Variants in TATDN1 observed in about 807,000 individuals in gnomAD.
TATDN1 encodes the protein deoxyribonuclease TATDN1.
TATDN1 carries 40 observed loss-of-function variants against 46.4 expected under a neutral mutation model. The observed-to-expected ratio is 0.86, with a 90% CI of 0.67 to 1.12. The LOEUF is 1.12. Ranked by LOEUF, TATDN1 falls within the 50% of genes most tolerant of loss-of-function variation. The pLI, the probability that TATDN1 is intolerant of heterozygous loss-of-function variation, is 0.00. For synonymous variants in TATDN1, 95 were observed against 105.6 expected, an observed-to-expected ratio of 0.90 and a Z score of 0.62; for missense variants, 326 against 348.4, an observed-to-expected ratio of 0.94 and a Z score of 0.51.
intron 1 of TATDN1, among the ~76,000 whole-genome samples, chr8:124,533,243 C>A (rs2131572650): frequency 6.7e-6 from 1 of 148,884 alleles, no homozygotes. Flanking sequence ...CAGAGTGAGA[C>A]TCTGTCTCAA....
chr8:124,525,894 G>T (rs1279204586), intron 1 of TATDN1, among the ~76,000 whole-genome samples: 1 of 152,094 alleles, frequency 6.6e-6, no homozygotes, highest in Non-Finnish European at 1.5e-5. Context: ...TCTATGTTAA[G>T]GGATAGTGAG....
chr8:124,539,065 T>G lies in TATDN1; in HGVS notation c.-19A>C, dbSNP rs201421182. On this transcript the variant is annotated 5_prime_UTR_variant, in exon 1 of 12. Transcript: ENST00000276692. ...GACTCATGACTGCGCATGGAGGACC[T>G]CCCCAGCGGAAGCGGAAGTGGCCGC... 1.9e-6 allele frequency: 3 copies of G among 1,612,142 alleles called. No individual in the cohort carries two copies. The highest frequency in any genetic ancestry group is 2.2e-5 in the East Asian group (1 of 44,808).
chr8:124,533,315 G>C (rs1821135128), intron 1 of TATDN1, among the ~76,000 whole-genome samples: 1 of 152,064 alleles, frequency 6.6e-6, no homozygotes, highest in Admixed American at 6.6e-5. Context: ...GGTTAGGTTA[G>C]AAGAGGAGAA....
chr8:124,493,929 T>C lies in TATDN1; in HGVS notation c.695A>G (p.His232Arg), dbSNP rs745486088. ...AGTTCTTATATATTTTGATCCAGCA[T>C]GTGTACTTTTGACTCCACACCAAGG... The part of the protein sequence containing the change: ...DAPWCGVKST[H>R]AGSKYIRTAF... The change falls in exon 11 of 12, where the codon CAT (histidine) becomes CGT (arginine). Residue 232 changes from histidine to arginine, a missense_variant. By Grantham distance (29) the His-to-Arg change is conservative (BLOSUM62 0). Transcript: ENST00000276692. 1 of 1,612,598 alleles carries C rather than the reference T, an allele frequency of 6.2e-7. No individual in the cohort carries two copies. Among genetic ancestry groups the C allele is most frequent in the Non-Finnish European group, 8.5e-7 (1 of 1,179,762 alleles).
intron 1 of TATDN1, 91 bp from the exon 2 acceptor site, chr8:124,523,093 C>A: frequency 9.2e-7 from 1 of 1,083,362 alleles, no homozygotes; most frequent in South Asian, 1.3e-5. Context: ...ACTTTTTGTT[C>A]ACACACTCAT....
chr8:124,517,105 T>G (rs1819539180), intron 4 of TATDN1, among the ~76,000 whole-genome samples: 1 of 152,226 alleles, frequency 6.6e-6, no homozygotes, highest in Non-Finnish European at 1.5e-5. Flanking sequence ...AAAAACTCCC[T>G]GGAAGATAGT....
chr8:124,491,955 TTGA>T (rs1009763789), intron 11 of TATDN1, among the ~76,000 whole-genome samples: 33 of 152,180 alleles, frequency 2.2e-4, no homozygotes, highest in African/African-American at 7.9e-4. Flanking sequence ...AGAACAAGTA[TTGA>T]TGAAGCCTTC....
intron 9 of TATDN1, among the ~76,000 whole-genome samples, chr8:124,498,385 C>T (rs971775200): frequency 3.3e-5 from 5 of 152,080 alleles, no homozygotes; most frequent in Admixed American, 2.6e-4. Flanking sequence ...CTAGTCCTCA[C>T]CATACAGTTT....
At chr8:124,495,378 G>C in intron 10 of TATDN1, 94 bp downstream of exon 10, 1 of 881,568 alleles carries the variant, frequency 1.1e-6, no homozygotes, top group East Asian at 2.6e-5. Flanking sequence ...TAAAATACTT[G>C]TTCACTTAAA....
In TATDN1 at chr8:124,508,467, TACTTACC is replaced by T; in HGVS notation, c.516_516+6del. 1 of 1,611,608 alleles carries T rather than the reference TACTTACC, an allele frequency of 6.2e-7. No homozygotes were observed. The highest frequency in any genetic ancestry group is 8.5e-7 in the Non-Finnish European group (1 of 1,178,250). On this transcript the variant is annotated splice_donor_variant and splice_donor_5th_base_variant and coding_sequence_variant and intron_variant, in exon 8 of 12. Transcript: ENST00000276692. LOFTEE classifies it high-confidence loss of function. ...ACCTGTATTAAAAATGACTATTTTA[TACTTACC>T]ACTCCCCCTACACACCGATCTCTAT... is the stretch of plus-strand genomic sequence containing the variant.
At chr8:124,510,214 A>G (rs545822040) in intron 6 of TATDN1, among the ~76,000 whole-genome samples, 1 of 152,330 alleles carries the variant, frequency 6.6e-6, no homozygotes, top group African/African-American at 2.4e-5. Context: ...TGTAGGAAAT[A>G]TTAACGACAA....
At chr8:124,509,102 C>T (rs1014207189) in intron 6 of TATDN1, among the ~76,000 whole-genome samples, 1 of 152,148 alleles carries the variant, frequency 6.6e-6, no homozygotes, top group African/African-American at 2.4e-5. Context: ...ACAAGGTTTC[C>T]CTCAAAAATG....
intron 1 of TATDN1, among the ~76,000 whole-genome samples, chr8:124,532,338 C>T (rs991762303): frequency 3.3e-5 from 5 of 152,188 alleles, no homozygotes; most frequent in Non-Finnish European, 4.4e-5. Flanking sequence ...GGCTGGAGTG[C>T]AGTGGTGCAA....
At chr8:124,490,636 TACATCTTCAG>T (rs1816904548) in intron 11 of TATDN1, among the ~76,000 whole-genome samples, 1 of 152,252 alleles carries the variant, frequency 6.6e-6, no homozygotes. Flanking sequence ...GCTATTTCCA[TACATCTTCAG>T]TGGTCAAAGC....
In TATDN1 at chr8:124,493,973, G is replaced by GA. The variant is rs1817241942; in HGVS notation, c.665-15dup. The GA allele has an allele frequency of 6.3e-7, 1 of 1,598,024 alleles. No homozygotes were observed. Among genetic ancestry groups the GA allele is most frequent in the South Asian group, 1.1e-5 (1 of 87,536 alleles). On this transcript the variant is annotated splice_polypyrimidine_tract_variant and intron_variant, in intron 10 of 11. Coordinates refer to ENST00000276692, the MANE Select transcript of TATDN1 (RefSeq NM_032026.4). ...ACCAAGGTGCATCTAGTTAAGCAAA[G>GA]AAAGTGTCTCGTAAGGGGTTTACAT...
chr8:124,532,604 T>C (rs1416181679), intron 1 of TATDN1, among the ~76,000 whole-genome samples: 2 of 152,130 alleles, frequency 1.3e-5, no homozygotes, highest in Non-Finnish European at 2.9e-5. Flanking sequence ...TCTTAATAGG[T>C]TGTCCAGAGG....
chr8:124,517,050 C>T (rs1819535042), intron 4 of TATDN1, among the ~76,000 whole-genome samples: 1 of 152,130 alleles, frequency 6.6e-6, no homozygotes, highest in South Asian at 2.1e-4. Context: ...AAAAGCATAG[C>T]TGTTTGGGGA....
chr8:124,521,611 T>G (rs1182417729), intron 3 of TATDN1: 1 of 152,328 alleles, frequency 6.6e-6, no homozygotes, highest in African/African-American at 2.4e-5. Context: ...AGTATGGAAT[T>G]TAACCTTATT....
intron 9 of TATDN1, chr8:124,503,744 ACTGAGT>A: frequency 2.4e-6 from 1 of 418,424 alleles, no homozygotes; most frequent in African/African-American, 2.0e-5. Flanking sequence ...AGCTGACTGT[ACTGAGT>A]GTGTGAAGTT....
Sources: gnomAD v4.1 joint callset for allele counts (sites outside exome capture counted in the v4.1 genomes callset) on GRCh38, gnomAD v4.1.1 for gene constraint, MANE v1.5 for transcripts, NCBI Gene and HGNC (gene_info 2026-07-23, HGNC 2026-07-21) for gene names.